The following LCE2C variants were observed in gnomAD, a reference collection of about 807,000 sequenced individuals.
LCE2C encodes late cornified envelope protein 2C.
For synonymous variants in LCE2C, 57 were observed against 51.0 expected (o/e 1.12, Z -0.50); for missense variants, 179 against 141.3 (o/e 1.27, Z -1.35).
At chr1:152,675,357 G>C (rs988327709) in intron 1 of LCE2C, 29 bp downstream of exon 1, 1 of 152,686 alleles carries the variant, frequency 6.5e-6, no homozygotes, top group African/African-American at 2.4e-5. Context: ...TACCAGAGGG[G>C]TATGAGCAAG....
rs1648854100 is a variant in LCE2C, at chr1:152,676,370, T to G, written c.*22T>G. On this transcript the variant is annotated 3_prime_UTR_variant, in exon 2 of 2. Coordinates refer to ENST00000368783, the MANE Select transcript of LCE2C (RefSeq NM_178429.5). ...CTGACCTGGGCTACAGAAGAGCTCT[T>G]GGGACTGAATGGCCAAGAACCTGCT... The G allele has an allele frequency of 1.3e-6, 2 of 1,580,552 alleles. No individual in the cohort carries two copies. Among genetic ancestry groups the G allele is most frequent in the Non-Finnish European group, 1.7e-6 (2 of 1,166,724 alleles).
Position 152,676,438 on chromosome 1 carries a change from A to T in LCE2C, c.*90A>T, listed in dbSNP as rs984763224. ...CTTTCCACTTCCTCTCATTCCATTC[A>T]TTGGTTGGCAGAGACCACAAAGACT... On this transcript the variant is annotated 3_prime_UTR_variant, in exon 2 of 2. Transcript: ENST00000368783. 14 of 1,510,342 alleles carry T rather than the reference A, an allele frequency of 9.3e-6. No homozygotes were observed. Among genetic ancestry groups the T allele is most frequent in the Admixed American group, 2.3e-5 (1 of 43,998 alleles). 93.6% of individuals were successfully genotyped at this position (1,510,342 alleles called of 1,614,324 possible). A position where few individuals can be genotyped will look rare whatever the true frequency, so the allele number is the denominator to read the frequency against.
Position 152,676,297 on chromosome 1 carries a change from T to TCCC in LCE2C, c.282_283insCCC (p.Ser94_Glu95insPro), listed in dbSNP as rs1157834129. 1 of 1,613,502 alleles carries TCCC rather than the reference T, an allele frequency of 6.2e-7. No homozygotes were observed. The highest frequency in any genetic ancestry group is 1.7e-5 in the Admixed American group (1 of 59,958). ...ACCAGAGCCCCGACTGCTGTGAGAG[T>TCCC]GAACCTTCTGGGGGCTCTGGCTGCT... On this transcript the variant is annotated inframe_insertion, in exon 2 of 2. Coordinates refer to ENST00000368783, the MANE Select transcript of LCE2C (RefSeq NM_178429.5).
In LCE2C at chr1:152,676,285, C is replaced by A. The variant is rs373454559; in HGVS notation, c.270C>A (p.Asp90Glu). The A allele has an allele frequency of 5.3e-5, 85 of 1,613,824 alleles. No individual in the cohort carries two copies. The highest frequency in any genetic ancestry group is 7.0e-5 in the Non-Finnish European group (83 of 1,179,960). ...LFHRRRHQSP[D>E]CCESEPSGGS... ...ACCGGCGCCGGCACCAGAGCCCCGACTGCTGTGAGAGTGAACCTTCTGGGG... is the reference window on the plus strand; with the variant it reads ...ACCGGCGCCGGCACCAGAGCCCCGAATGCTGTGAGAGTGAACCTTCTGGGG... Residue 90 changes from aspartate to glutamate, a missense_variant, in exon 2 of 2, where the codon GAC becomes GAA. Asp to Glu is a conservative substitution (Grantham distance 45). Transcript: ENST00000368783.
rs1648855482 is a variant in LCE2C, at chr1:152,676,431, TC to T, written c.*85del. 7.3e-6 allele frequency: 11 copies of T among 1,515,950 alleles called. No individual in the cohort carries two copies. Among genetic ancestry groups the T allele is most frequent in the Non-Finnish European group, 9.7e-6 (11 of 1,133,358 alleles). The allele number at this position is 1,515,950 out of a possible 1,614,324, so 93.9% of individuals were successfully genotyped here. On this transcript the variant is annotated 3_prime_UTR_variant, in exon 2 of 2. Transcript: ENST00000368783. The stretch of plus-strand genomic sequence containing the variant: ...GGATACTCTTTCCACTTCCTCTCAT[TC>T]CATTCATTGGTTGGCAGAGACCACA...
In LCE2C at chr1:152,676,557, G is replaced by A; in HGVS notation, c.*209G>A. The A allele has an allele frequency of 3.1e-6, 2 of 643,622 alleles. No homozygotes were observed. Among genetic ancestry groups the A allele is most frequent in the South Asian group, 5.2e-5 (2 of 38,644 alleles). 39.9% of individuals were successfully genotyped at this position (643,622 alleles called of 1,614,324 possible). ...TTACCTCATGTTATAATAAAGCTCT[G>A]ATCTCTGACTCACTAAATGTCTTGG... On this transcript the variant is annotated 3_prime_UTR_variant, in exon 2 of 2. Transcript: ENST00000368783.
At position 152,676,241 on chromosome 1, in the gene LCE2C, C is replaced by G. The variant is rs773676690; in HGVS notation, c.226C>G (p.His76Asp). ...SGAGGCSLSH[H>D]RPRLFHRRRH... ...GGCTGGTGGCTGCTCCCTGAGCCAC[C>G]ACAGGCCCCGTCTCTTCCACCGGCG... The change falls in exon 2 of 2, where the codon CAC becomes GAC. Residue 76 changes from histidine to aspartate, a missense_variant. His to Asp is a moderately conservative substitution (Grantham distance 81). Coordinates refer to ENST00000368783, the MANE Select transcript of LCE2C (RefSeq NM_178429.5). 1.2e-6 allele frequency: 2 copies of G among 1,613,798 alleles called. No homozygotes were observed. Among genetic ancestry groups the G allele is most frequent in the African/African-American group, 2.7e-5 (2 of 74,844 alleles).
chr1:152,676,075 T>A lies in LCE2C; in HGVS notation c.60T>A (p.Cys20Ter). ...CCCCTCCCAAGTGTCCTCCCAAGTG[T>A]ACCCCAAAATGTCCACCTAAGTGTC... is the stretch of plus-strand genomic sequence containing the variant. ...CQPPPKCPPK[C>*]TPKCPPKCPP... is the part of the protein sequence containing the mutation. The change falls in exon 2 of 2, where the codon TGT becomes TGA. Residue 20 changes from cysteine (C) to a stop codon, truncating the protein, a stop_gained. Transcript: ENST00000368783. LOFTEE classifies it low-confidence loss of function (END_TRUNC). 1.2e-6 allele frequency: 2 copies of A among 1,614,152 alleles called. No individual in the cohort carries two copies. Among genetic ancestry groups the A allele is most frequent in the Non-Finnish European group, 1.7e-6 (2 of 1,180,026 alleles).
Position 152,676,216 on chromosome 1 carries a change from G to A in LCE2C, c.201G>A (p.Gly67=). Reference sequence around the variant, plus strand: ...GCTCTGGGGGCTGCTGCAGCTCTGGGGCTGGTGGCTGCTCCCTGAGCCACC... The same window carrying A: ...GCTCTGGGGGCTGCTGCAGCTCTGGAGCTGGTGGCTGCTCCCTGAGCCACC... The part of the protein sequence containing the change: ...GPSSGGCCSS[G]AGGCSLSHHR... Residue 67 remains glycine (G), a synonymous_variant, in exon 2 of 2, where the codon GGG becomes GGA. Coordinates refer to ENST00000368783, the MANE Select transcript of LCE2C (RefSeq NM_178429.5). The A allele has an allele frequency of 6.2e-7, 1 of 1,614,028 alleles. No individual in the cohort carries two copies. The highest frequency in any genetic ancestry group is 8.5e-7 in the Non-Finnish European group (1 of 1,180,022).
rs201281384 is a variant in LCE2C at position 152,676,283 on chromosome 1, G to A, written c.268G>A (p.Asp90Asn). 2.1e-5 allele frequency: 34 copies of A among 1,613,840 alleles called. No homozygotes were observed. The highest frequency in any genetic ancestry group is 6.6e-5 in the South Asian group (6 of 91,036). ...CCACCGGCGCCGGCACCAGAGCCCCGACTGCTGTGAGAGTGAACCTTCTGG... is the reference window on the plus strand; with the variant it reads ...CCACCGGCGCCGGCACCAGAGCCCCAACTGCTGTGAGAGTGAACCTTCTGG... ...LFHRRRHQSP[D>N]CCESEPSGGS... Residue 90 changes from aspartate (D) to asparagine (N), a missense_variant, in exon 2 of 2, where the codon GAC (aspartate) becomes AAC (asparagine). By Grantham distance (23) the Asp-to-Asn change is conservative (BLOSUM62 1). Transcript: ENST00000368783.
At position 152,676,536 on chromosome 1, in the gene LCE2C, C is replaced by G; in HGVS notation, c.*188C>G. On this transcript the variant is annotated 3_prime_UTR_variant, in exon 2 of 2. Transcript: ENST00000368783. ...TGCAAGTCTTCTTTTCCTCCTTTAC[C>G]TCATGTTATAATAAAGCTCTGATCT... The G allele has an allele frequency of 1.4e-6, 1 of 725,442 alleles. No individual in the cohort carries two copies. Among genetic ancestry groups the G allele is most frequent in the Non-Finnish European group, 2.2e-6 (1 of 447,604 alleles). The allele number at this position is 725,442 out of a possible 1,614,324, so 44.9% of individuals were successfully genotyped here. A position where few individuals can be genotyped will look rare whatever the true frequency, so the allele number is the denominator to read the frequency against.
chr1:152,675,699 C>G (rs1041096010), intron 1 of LCE2C, among the ~76,000 whole-genome samples: 1 of 152,112 alleles, frequency 6.6e-6, no homozygotes, highest in Admixed American at 6.5e-5. Context: ...CCCAGCTTGT[C>G]CTTAGGGCTT....
At chr1:152,675,605 G>A (rs928683645) in intron 1 of LCE2C, among the ~76,000 whole-genome samples, 2 of 152,206 alleles carry the variant, frequency 1.3e-5, no homozygotes, top group African/African-American at 4.8e-5. Context: ...ATGGAAACTG[G>A]CAAATACTTC....
Position 152,676,289 on chromosome 1 carries a change from T to C in LCE2C, c.274T>C (p.Cys92Arg), listed in dbSNP as rs1265090665. The C allele has an allele frequency of 6.2e-7, 1 of 1,613,784 alleles. No individual in the cohort carries two copies. Among genetic ancestry groups the C allele is most frequent in the African/African-American group, 1.3e-5 (1 of 74,922 alleles). Residue 92 changes from cysteine to arginine, a missense_variant, in exon 2 of 2, where the codon TGT becomes CGT. Transcript: ENST00000368783. ...GCGCCGGCACCAGAGCCCCGACTGCTGTGAGAGTGAACCTTCTGGGGGCTC... is the reference window on the plus strand; with the variant it reads ...GCGCCGGCACCAGAGCCCCGACTGCCGTGAGAGTGAACCTTCTGGGGGCTC... ...HRRRHQSPDC[C>R]ESEPSGGSGC...
Position 152,676,279 on chromosome 1 carries a change from C to A in LCE2C, c.264C>A (p.Ser88Arg). 6.2e-7 allele frequency: 1 copy of A among 1,613,862 alleles called. No individual in the cohort carries two copies. Among genetic ancestry groups the A allele is most frequent in the African/African-American group, 1.3e-5 (1 of 75,002 alleles). The part of the protein sequence containing the change: ...PRLFHRRRHQ[S>R]PDCCESEPSG... The stretch of plus-strand genomic sequence containing the variant: ...TCTTCCACCGGCGCCGGCACCAGAG[C>A]CCCGACTGCTGTGAGAGTGAACCTT... The change falls in exon 2 of 2, where the codon AGC (serine) becomes AGA (arginine). Residue 88 changes from serine to arginine, a missense_variant. Ser to Arg is a moderately radical substitution (Grantham distance 110). Transcript: ENST00000368783.
rs773676690 is a variant in LCE2C, at chr1:152,676,241, C to T, written c.226C>T (p.His76Tyr). 4.3e-6 allele frequency: 7 copies of T among 1,613,916 alleles called. No homozygotes were observed. The highest frequency in any genetic ancestry group is 5.9e-6 in the Non-Finnish European group (7 of 1,179,972). Residue 76 changes from histidine (H) to tyrosine (Y), a missense_variant, in exon 2 of 2, where the codon CAC (histidine) becomes TAC (tyrosine). His to Tyr is a moderately conservative substitution (Grantham distance 83, BLOSUM62 2). Transcript: ENST00000368783. ...SGAGGCSLSH[H>Y]RPRLFHRRRH... is the part of the protein sequence containing the mutation. ...GGCTGGTGGCTGCTCCCTGAGCCAC[C>T]ACAGGCCCCGTCTCTTCCACCGGCG... is the stretch of plus-strand genomic sequence containing the variant.
intron 1 of LCE2C, 132 bp downstream of exon 1, chr1:152,675,460 G>T (rs1328600034): frequency 3.2e-5 from 5 of 155,768 alleles, no homozygotes; most frequent in African/African-American, 1.2e-4. Context: ...AGCCTGCCTC[G>T]AATCTGTTGA....
chr1:152,675,623 G>T (rs988683977), intron 1 of LCE2C, among the ~76,000 whole-genome samples: 1 of 152,178 alleles, frequency 6.6e-6, no homozygotes, highest in Non-Finnish European at 1.5e-5. Context: ...TTCAAGCCAG[G>T]CTCTTTTATC....
rs1340063733 is a variant in LCE2C, at chr1:152,676,061, T to C, written c.46T>C (p.Cys16Arg). Residue 16 changes from cysteine to arginine, a missense_variant, in exon 2 of 2, where the codon TGT becomes CGT. Transcript: ENST00000368783. Reference sequence around the variant, plus strand: ...GCAGCAGTGCCAGCCCCCTCCCAAGTGTCCTCCCAAGTGTACCCCAAAATG... The same window carrying C: ...GCAGCAGTGCCAGCCCCCTCCCAAGCGTCCTCCCAAGTGTACCCCAAAATG... ...NQQQCQPPPK[C>R]PPKCTPKCPP... The C allele has an allele frequency of 6.2e-7, 1 of 1,614,162 alleles. No individual in the cohort carries two copies. The highest frequency in any genetic ancestry group is 2.2e-5 in the East Asian group (1 of 44,884).
Sources: gnomAD v4.1 joint callset for allele counts (sites outside exome capture counted in the v4.1 genomes callset) on GRCh38, gnomAD v4.1.1 for gene constraint, MANE v1.5 for transcripts, NCBI Gene and HGNC (gene_info 2026-07-23, HGNC 2026-07-21) for gene names.